Variants in CYRIB observed in about 807,000 individuals in gnomAD.
CYRIB encodes CYFIP related Rac1 interactor B.
In CYRIB, 8 loss-of-function variants were observed where a neutral mutation model predicts 44.2. The ratio of observed to expected loss-of-function variants is 0.18; its 90% CI spans 0.11 to 0.33. CYRIB has a LOEUF of 0.33. CYRIB is among the 10% of genes least tolerant of loss of function. The pLI is 1.00. For synonymous variants in CYRIB, 131 were observed against 127.2 expected (o/e 1.03, Z -0.20); for missense variants, 185 against 382.8 (o/e 0.48, Z 4.31).
intron 1 of CYRIB, among the ~76,000 whole-genome samples, chr8:129,935,587 G>C (rs1277276396): frequency 2.6e-5 from 4 of 152,182 alleles, no homozygotes; most frequent in Non-Finnish European, 4.4e-5. Flanking sequence ...CACGGCCCAG[G>C]GGTTGGGGAC....
At chr8:129,840,997 T>C (rs1016072207) in exon 12 of CYRIB, 1 of 152,238 alleles carries the variant, frequency 6.6e-6, no homozygotes. Flanking sequence ...AGTAGTTTGT[T>C]CCAACCATGA....
chr8:129,875,253 A>G (rs1373145121), intron 3 of CYRIB, among the ~76,000 whole-genome samples: 1 of 151,326 alleles, frequency 6.6e-6, no homozygotes, highest in Non-Finnish European at 1.5e-5. Flanking sequence ...GAGGCTATGC[A>G]GGCCCCCATT....
At chr8:130,011,912 A>C (rs1035287109) in intron 1 of CYRIB, among the ~76,000 whole-genome samples, 1 of 151,896 alleles carries the variant, frequency 6.6e-6, no homozygotes, top group African/African-American at 2.4e-5. Flanking sequence ...CTGGCTGCCC[A>C]CTCACCCACA....
At chr8:129,874,927 G>T (rs1423646222) in intron 3 of CYRIB, among the ~76,000 whole-genome samples, 5 of 152,096 alleles carry the variant, frequency 3.3e-5, no homozygotes, top group Non-Finnish European at 1.5e-5. Flanking sequence ...TCAATGGAAA[G>T]GCACTATAAC....
intron 1 of CYRIB, among the ~76,000 whole-genome samples, chr8:129,998,119 C>CA (rs34658935): frequency 0.014 from 1,258 of 92,742 alleles, 15 homozygotes; most frequent in Admixed American, 0.021. Context: ...GACTCTGTCT[C>CA]AAAAAAAAAA....
intron 2 of CYRIB, among the ~76,000 whole-genome samples, chr8:129,902,298 A>T (rs1011568305): frequency 1.3e-5 from 2 of 152,060 alleles, no homozygotes; most frequent in Admixed American, 6.6e-5. Context: ...GGCTCACTGC[A>T]ACCTCCACCT....
At chr8:129,915,256 T>C (rs914338031) in intron 1 of CYRIB, among the ~76,000 whole-genome samples, 2 of 152,210 alleles carry the variant, frequency 1.3e-5, no homozygotes, top group Non-Finnish European at 2.9e-5. Flanking sequence ...CATCAACAAA[T>C]GAATGGACAG....
At chr8:129,851,008 A>G in intron 8 of CYRIB, 94 bp from the exon 11 acceptor site, 2 of 797,534 alleles carry the variant, frequency 2.5e-6, no homozygotes, top group Admixed American at 2.3e-5. Context: ...AAAATTAGCA[A>G]CTTTAAAACC....
intron 1 of CYRIB, among the ~76,000 whole-genome samples, chr8:129,974,167 T>G (rs1365673874): frequency 6.6e-6 from 1 of 152,188 alleles, no homozygotes; most frequent in African/African-American, 2.4e-5. Flanking sequence ...GACTCTGCCC[T>G]GTGAATCCCA....
At chr8:129,992,784 C>G (rs988475858) in intron 1 of CYRIB, among the ~76,000 whole-genome samples, 1 of 152,140 alleles carries the variant, frequency 6.6e-6, no homozygotes, top group Non-Finnish European at 1.5e-5. Context: ...AAGAAAAGAA[C>G]CCGTGAGAAT....
At chr8:129,916,180 A>G (rs1022296980) in intron 1 of CYRIB, among the ~76,000 whole-genome samples, 7 of 152,152 alleles carry the variant, frequency 4.6e-5, no homozygotes, top group Non-Finnish European at 1.0e-4. Context: ...TTTCTTCTAC[A>G]AAGGCTTCTA....
chr8:129,897,466 A>G (rs2068638524), intron 2 of CYRIB, among the ~76,000 whole-genome samples: 3 of 151,918 alleles, frequency 2.0e-5, no homozygotes, highest in East Asian at 3.9e-4. Flanking sequence ...TCCCTGTGCT[A>G]CTTAACAAAC....
chr8:129,983,403 C>A (rs1378229472), intron 1 of CYRIB, among the ~76,000 whole-genome samples: 1 of 152,100 alleles, frequency 6.6e-6, no homozygotes, highest in Non-Finnish European at 1.5e-5. Flanking sequence ...CAAGACTGTG[C>A]CACTGCACTC....
In CYRIB at chr8:129,935,884, G is replaced by C. The variant is rs190339584; in HGVS notation, c.-50+3724C>G. Among the ~76,000 whole-genome samples the C allele has an allele frequency of 4.6e-4, 70 of 152,194 alleles. No individual in the cohort carries two copies. The South Asian group carries it at 0.01, about 22-fold the overall frequency. ...CATTCTGACCCATGGTACCATTATC[G>C]AGATGTGAAGGTGTGTTGCAAGAAA... On this transcript the variant is annotated intron_variant, in intron 1 of 11. Transcript: ENST00000519824.
intron 1 of CYRIB, among the ~76,000 whole-genome samples, chr8:129,915,567 G>T (rs564062603): frequency 6.6e-6 from 1 of 152,272 alleles, no homozygotes; most frequent in South Asian, 2.1e-4. Flanking sequence ...CAGGTAGGGT[G>T]GATAGATTTG....
In CYRIB at chr8:129,924,303, G is replaced by C. The variant is rs368644884; in HGVS notation, c.-50+15305C>G. Among the ~76,000 whole-genome samples the C allele has an allele frequency of 4.7e-3, 293 of 62,816 alleles. 38 individuals carry two copies. Among genetic ancestry groups the C allele is most frequent in the African/African-American group, 0.012 (285 of 24,110 alleles). 41.2% of individuals were successfully genotyped at this position (62,816 alleles called of 152,430 possible). ...AAAAAAAAAAAACCGGGGGGGGGGGGGGTGGCGGGGGGGGTGTTACTTACC... is the reference window on the plus strand; with the variant it reads ...AAAAAAAAAAAACCGGGGGGGGGGGCGGTGGCGGGGGGGGTGTTACTTACC... On this transcript the variant is annotated intron_variant, in intron 1 of 11. Coordinates refer to ENST00000519824, the Ensembl canonical transcript of CYRIB.
At chr8:129,840,317 T>C (rs1232770315) in exon 12 of CYRIB, 3 of 152,340 alleles carry the variant, frequency 2.0e-5, no homozygotes, top group Admixed American at 2.0e-4. Flanking sequence ...GGCTCATAGA[T>C]GCATTGCTCT....
chr8:129,884,188 C>A (rs1357495277), intron 2 of CYRIB, among the ~76,000 whole-genome samples: 3 of 152,088 alleles, frequency 2.0e-5, no homozygotes, highest in Admixed American at 2.0e-4. Context: ...TAAACTAATA[C>A]CCCTTTTAGC....
At chr8:130,016,315 G>C (rs2097344244) in intron 1 of CYRIB, 55 bp downstream of exon 1, 1 of 147,290 alleles carries the variant, frequency 6.8e-6, no homozygotes, top group Admixed American at 6.7e-5. Context: ...ATCGGATCCA[G>C]GGGCGCGCGC....
Sources: allele counts gnomAD v4.1 joint callset (sites outside exome capture counted in the v4.1 genomes callset), GRCh38; gene constraint gnomAD v4.1.1; transcripts MANE v1.5; gene names NCBI Gene and HGNC (gene_info 2026-07-23, HGNC 2026-07-21).